TASP1: variants seen among roughly 807,000 people sequenced by gnomAD.
TASP1 encodes the protein threonine aspartase 1.
In TASP1, 16 loss-of-function variants were observed where a neutral mutation model predicts 56.6. The observed-to-expected ratio is 0.28, with a 90% CI of 0.19 to 0.43. TASP1 has a LOEUF of 0.43. TASP1 is among the 20% of genes least tolerant of loss of function. The probability of loss-of-function intolerance (pLI) is 1.00; values close to 1 mark genes in which losing one functional copy is unlikely to be tolerated. For missense variants in TASP1, 393 were observed against 511.6 expected (o/e 0.77, Z 2.24); for synonymous variants, 179 against 184.2 (o/e 0.97, Z 0.23).
chr20:13,433,852 A>C (rs1329823176), intron 12 of TASP1, among the ~76,000 whole-genome samples: 1 of 151,618 alleles, frequency 6.6e-6, no homozygotes, highest in Non-Finnish European at 1.5e-5. Flanking sequence ...AAAAAAAAAA[A>C]AAAAAAAACA....
chr20:13,474,339 T>G (rs2044639417), intron 11 of TASP1, among the ~76,000 whole-genome samples: 1 of 152,208 alleles, frequency 6.6e-6, no homozygotes, highest in Admixed American at 6.5e-5. Context: ...CTTATGCCTT[T>G]GTGTCCTCAC....
At chr20:13,462,518 T>G (rs941281877) in intron 11 of TASP1, among the ~76,000 whole-genome samples, 2 of 152,142 alleles carry the variant, frequency 1.3e-5, no homozygotes, top group African/African-American at 2.4e-5. Flanking sequence ...TAGCTGCCTT[T>G]CCCACATATC....
At chr20:13,431,583 T>C (rs2042808282) in intron 12 of TASP1, among the ~76,000 whole-genome samples, 1 of 151,934 alleles carries the variant, frequency 6.6e-6, no homozygotes, top group Admixed American at 6.6e-5. Context: ...AACAATGGTA[T>C]TGTTGACAGA....
chr20:13,235,320 T>C, the TASP1 span, among the ~76,000 whole-genome samples: 3 of 152,248 alleles, frequency 2.0e-5, no homozygotes, highest in African/African-American at 7.2e-5. Flanking sequence ...CCAAAGCAAG[T>C]CACAAGATCC....
intron 11 of TASP1, among the ~76,000 whole-genome samples, chr20:13,451,031 A>C (rs2043598146): frequency 6.6e-6 from 1 of 152,148 alleles, no homozygotes. Context: ...CTCCTTGTAC[A>C]TCTCCATCAG....
chr20:13,451,147 C>G (rs968247801), intron 11 of TASP1, among the ~76,000 whole-genome samples: 5 of 152,098 alleles, frequency 3.3e-5, no homozygotes, highest in African/African-American at 1.2e-4. Context: ...ATTCAGTAAA[C>G]TGTGCTGTAA....
the TASP1 span, among the ~76,000 whole-genome samples, chr20:13,313,803 T>A: frequency 7.9e-5 from 12 of 152,148 alleles, no homozygotes; most frequent in African/African-American, 2.9e-4. Flanking sequence ...CAGACTCAGA[T>A]ATGGCAGGGA....
intron 8 of TASP1, among the ~76,000 whole-genome samples, chr20:13,557,487 T>A (rs73268949): frequency 0.059 from 8,918 of 151,746 alleles, 348 homozygotes; most frequent in Admixed American, 0.12. Context: ...TATATCTTGA[T>A]AGGTGTATGG....
chr20:13,279,628 C>T, the TASP1 span: 2 of 1,610,554 alleles, frequency 1.2e-6, no homozygotes, highest in Non-Finnish European at 1.7e-6. Flanking sequence ...GTTCTGAATT[C>T]TTCAGGTCAC....
chr20:13,370,822 T>C, the TASP1 span, among the ~76,000 whole-genome samples: 2 of 152,320 alleles, frequency 1.3e-5, no homozygotes, highest in African/African-American at 4.8e-5. Flanking sequence ...GGAGATTTTT[T>C]GATTACTACT....
At chr20:13,276,915 C>G in the TASP1 span, among the ~76,000 whole-genome samples, 1 of 152,130 alleles carries the variant, frequency 6.6e-6, no homozygotes, top group Non-Finnish European at 1.5e-5. Context: ...GAGGTTTTCA[C>G]TTTGTTAACT....
At chr20:13,292,291 T>G in the TASP1 span, 1 of 811,868 alleles carries the variant, frequency 1.2e-6, no homozygotes, top group Non-Finnish European at 2.0e-6. Flanking sequence ...TTTGTTCAGG[T>G]GTATTTATTT....
At chr20:13,240,223 A>G in the TASP1 span, among the ~76,000 whole-genome samples, 17 of 152,232 alleles carry the variant, frequency 1.1e-4, no homozygotes, top group Non-Finnish European at 2.2e-4. Context: ...AATAGAGAAC[A>G]AGCTTATGTT....
the TASP1 span, among the ~76,000 whole-genome samples, chr20:13,281,406 C>T: frequency 7.2e-5 from 11 of 152,286 alleles, no homozygotes; most frequent in Non-Finnish European, 1.2e-4. Flanking sequence ...AGAGGAAAGA[C>T]GGGATAATAG....
At chr20:13,611,225 A>G (rs2048338122) in intron 4 of TASP1, among the ~76,000 whole-genome samples, 1 of 152,238 alleles carries the variant, frequency 6.6e-6, no homozygotes, top group Non-Finnish European at 1.5e-5. Flanking sequence ...GGAAGTTATC[A>G]GGACAAAGTG....
At chr20:13,408,197 A>T (rs563314919) in intron 13 of TASP1, among the ~76,000 whole-genome samples, 1 of 152,278 alleles carries the variant, frequency 6.6e-6, no homozygotes, top group African/African-American at 2.4e-5. Flanking sequence ...TTAGCTCTTA[A>T]TATTTTGGTT....
intron 13 of TASP1, among the ~76,000 whole-genome samples, chr20:13,402,037 G>A (rs2041756724): frequency 6.6e-6 from 1 of 152,094 alleles, no homozygotes; most frequent in African/African-American, 2.4e-5. Flanking sequence ...CTAACATGGA[G>A]GGTCTACAAG....
At position 13,390,133 on chromosome 20, in the gene TASP1, C is replaced by A. The variant is rs1194807912; in HGVS notation, c.*227G>T. 3 of 481,978 alleles carry A rather than the reference C, an allele frequency of 6.2e-6. No individual in the cohort carries two copies. The highest frequency in any genetic ancestry group is 7.6e-6 in the Non-Finnish European group (2 of 262,628). The allele number at this position is 481,978 out of a possible 1,614,324, so 29.9% of individuals were successfully genotyped here. On this transcript the variant is annotated 3_prime_UTR_variant, in exon 14 of 14. Transcript: ENST00000337743. ...CAAACACACATACTCCACACATACA[C>A]ATATGTGCGCACATACGCGCACACA...
the TASP1 span, among the ~76,000 whole-genome samples, chr20:13,280,400 C>A: frequency 1.7e-4 from 25 of 147,848 alleles, no homozygotes; most frequent in Admixed American, 6.7e-4. Context: ...AACCCCCCCC[C>A]CCCAATACAT....
Sources: gnomAD v4.1 joint callset for allele counts (sites outside exome capture counted in the v4.1 genomes callset) on GRCh38, gnomAD v4.1.1 for gene constraint, MANE v1.5 for transcripts, NCBI Gene and HGNC (gene_info 2026-07-23, HGNC 2026-07-21) for gene names.